DCC: variants seen among roughly 807,000 people sequenced by gnomAD.
DCC encodes the protein netrin receptor DCC.
In DCC, 58 loss-of-function variants were observed where a neutral mutation model predicts 172.5. The ratio of observed to expected loss-of-function variants is 0.34; its 90% confidence interval spans 0.27 to 0.42. DCC has a LOEUF of 0.42. Ranked by LOEUF, DCC falls within the 10% of genes least tolerant of loss-of-function variation. The probability of loss-of-function intolerance (pLI) is 1.00; values close to 1 mark genes in which losing one functional copy is unlikely to be tolerated. For missense variants in DCC, 1,740 were observed against 1,791.0 expected (o/e 0.97, Z 0.51); for synonymous variants, 709 against 644.5 (o/e 1.10, Z -1.52).
At position 52,512,827 on chromosome 18, in the gene DCC, T is replaced by A. The variant is rs143378904; in HGVS notation, c.91+171949T>A. Among the ~76,000 whole-genome samples, 103 of 152,250 alleles carry A rather than the reference T, an allele frequency of 6.8e-4. 1 individual carries two copies. The East Asian group carries it at 0.015, about 22-fold the overall frequency. On this transcript the variant is annotated intron_variant, in intron 1 of 28. Transcript: ENST00000442544. ...ACTGTTTTGAATGAGATGGTCCACA[T>A]CTCATTAGATGTGGTATCTGGAAGA...
chr18:53,128,858 CACACACACACACATATATAT>C (rs1366635918), intron 7 of DCC, among the ~76,000 whole-genome samples: 3 of 75,486 alleles, frequency 4.0e-5, no homozygotes, highest in African/African-American at 1.5e-4. Context: ...CACACACACA[CACACACACACACATATATAT>C]ATATATATAT....
intron 25 of DCC, among the ~76,000 whole-genome samples, chr18:53,476,010 C>CT (rs1449185074): frequency 5.3e-5 from 8 of 152,206 alleles, no homozygotes; most frequent in Non-Finnish European, 1.0e-4. Flanking sequence ...CATTTTGGAG[C>CT]TTTAAGATTT....
chr18:53,496,872 AAGT>A (rs2046030414), intron 26 of DCC, among the ~76,000 whole-genome samples: 1 of 152,202 alleles, frequency 6.6e-6, no homozygotes, highest in Non-Finnish European at 1.5e-5. Context: ...AAGTGGTTGA[AAGT>A]ATAATGTAGA....
At chr18:53,495,822 C>A (rs2046015636) in intron 26 of DCC, among the ~76,000 whole-genome samples, 1 of 152,146 alleles carries the variant, frequency 6.6e-6, no homozygotes, top group African/African-American at 2.4e-5. Flanking sequence ...TTTCTTTTCA[C>A]TCTTTTTGCT....
intron 14 of DCC, among the ~76,000 whole-genome samples, chr18:53,324,442 A>T (rs1040870225): frequency 6.7e-6 from 1 of 149,262 alleles, no homozygotes; most frequent in Non-Finnish European, 1.5e-5. Flanking sequence ...ATGGAGGTAG[A>T]TAGTGATAGG....
chr18:53,228,913 A>G (rs149528069), intron 12 of DCC, among the ~76,000 whole-genome samples: 11 of 152,286 alleles, frequency 7.2e-5, no homozygotes, highest in African/African-American at 2.4e-4. Flanking sequence ...TAACTAATTT[A>G]TGTTCAATTG....
intron 1 of DCC, among the ~76,000 whole-genome samples, chr18:52,396,104 A>G (rs1489571087): frequency 6.6e-6 from 1 of 152,006 alleles, no homozygotes; most frequent in Non-Finnish European, 1.5e-5. Context: ...ACTGACGCTG[A>G]TGGGTTGTAT....
intron 1 of DCC, among the ~76,000 whole-genome samples, chr18:52,478,600 C>A (rs1022303951): frequency 1.3e-5 from 2 of 152,182 alleles, no homozygotes; most frequent in Non-Finnish European, 2.9e-5. Flanking sequence ...GTACAGGAAG[C>A]ATGCTGTTGG....
intron 1 of DCC, among the ~76,000 whole-genome samples, chr18:52,572,591 G>A (rs576225250): frequency 2.0e-5 from 3 of 152,176 alleles, no homozygotes; most frequent in South Asian, 2.1e-4. Flanking sequence ...ATTGTTGCCC[G>A]TGGGGCTTTG....
At chr18:53,043,441 C>T (rs1009256245) in intron 5 of DCC, among the ~76,000 whole-genome samples, 15 of 151,726 alleles carry the variant, frequency 9.9e-5, no homozygotes, top group African/African-American at 3.4e-4. Flanking sequence ...CACATATATC[C>T]CAGAACTTAA....
At chr18:52,961,296 A>G (rs557697074) in intron 5 of DCC, among the ~76,000 whole-genome samples, 1 of 152,144 alleles carries the variant, frequency 6.6e-6, no homozygotes, top group East Asian at 1.9e-4. Context: ...TATAATAAAA[A>G]TATAAAATAA....
intron 5 of DCC, among the ~76,000 whole-genome samples, chr18:52,941,984 T>C (rs956780952): frequency 2.6e-5 from 4 of 152,108 alleles, no homozygotes; most frequent in Admixed American, 2.6e-4. Flanking sequence ...GGTTTCACCA[T>C]GTTAGCCAGG....
rs779572042 is a variant in DCC, at chr18:53,486,884, C to G, written c.3824C>G (p.Pro1275Arg). 1 of 1,614,162 alleles carries G rather than the reference C, an allele frequency of 6.2e-7. No homozygotes were observed. Among genetic ancestry groups the G allele is most frequent in the Non-Finnish European group, 8.5e-7 (1 of 1,180,044 alleles). Residue 1275 changes from proline to arginine, a missense_variant, in exon 26 of 29, where the codon CCG becomes CGG. Transcript: ENST00000442544. Reference sequence around the variant, plus strand: ...TCTCCCACCTGTGGATATCCCCACCCGCAGTTCACTCTCCGGCCTGTGCCA... The same window carrying G: ...TCTCCCACCTGTGGATATCCCCACCGGCAGTTCACTCTCCGGCCTGTGCCA... ...LPSPTCGYPH[P>R]QFTLRPVPFP...
At chr18:53,051,094 G>A (rs2042327937) in intron 5 of DCC, among the ~76,000 whole-genome samples, 1 of 152,098 alleles carries the variant, frequency 6.6e-6, no homozygotes, top group Non-Finnish European at 1.5e-5. Context: ...GCCAAGCATG[G>A]TGGCGTGCGC....
chr18:53,364,184 CT>C (rs2057977030), intron 15 of DCC, among the ~76,000 whole-genome samples: 1 of 152,076 alleles, frequency 6.6e-6, no homozygotes, highest in African/African-American at 2.4e-5. Context: ...TTTTTATTAT[CT>C]GGGAGATCAT....
chr18:52,445,166 T>C (rs1235411831), intron 1 of DCC, among the ~76,000 whole-genome samples: 1 of 152,170 alleles, frequency 6.6e-6, no homozygotes, highest in African/African-American at 2.4e-5. Flanking sequence ...GTACAATTCC[T>C]AAATAGTAAT....
At chr18:52,588,601 A>G (rs763440792) in intron 1 of DCC, among the ~76,000 whole-genome samples, 1 of 152,240 alleles carries the variant, frequency 6.6e-6, no homozygotes, top group Non-Finnish European at 1.5e-5. Context: ...AGAAAGGTAC[A>G]TATGAGAAGG....
At chr18:52,352,258 T>C (rs1984157735) in intron 1 of DCC, among the ~76,000 whole-genome samples, 1 of 152,246 alleles carries the variant, frequency 6.6e-6, no homozygotes, top group Admixed American at 6.5e-5. Flanking sequence ...AGGTAGTCTT[T>C]ACAAATAGAA....
chr18:52,453,320 A>G (rs1436167617), intron 1 of DCC, among the ~76,000 whole-genome samples: 1 of 152,242 alleles, frequency 6.6e-6, no homozygotes, highest in Non-Finnish European at 1.5e-5. Flanking sequence ...TGATAAGTAC[A>G]TCATTAATAA....
Sources: allele counts gnomAD v4.1 joint callset (sites outside exome capture counted in the v4.1 genomes callset), GRCh38; gene constraint gnomAD v4.1.1; transcripts MANE v1.5; gene names NCBI Gene and HGNC (gene_info 2026-07-23, HGNC 2026-07-21).